Variants in GPR137 observed in about 807,000 individuals in gnomAD.
The protein encoded by GPR137 is integral membrane protein GPR137.
In GPR137, 20 loss-of-function variants were observed where a neutral mutation model predicts 38.9. That is an observed-to-expected ratio of 0.51 (90% CI 0.36 to 0.75). The LOEUF (loss-of-function observed/expected upper bound fraction) is 0.75. Ranked by LOEUF, GPR137 falls within the 30% of genes least tolerant of loss-of-function variation. GPR137 has a pLI of 0.00. For missense variants in GPR137, 456 were observed against 526.4 expected (o/e 0.87, Z 1.31); for synonymous variants, 226 against 235.8 (o/e 0.96, Z 0.38).
chr11:64,275,461 G>A (rs1240705036), upstream of GPR137, among the ~76,000 whole-genome samples: 2 of 152,136 alleles, frequency 1.3e-5, no homozygotes, highest in African/African-American at 4.8e-5. Context: ...TCTGTGAAAT[G>A]GGGGCAGTTC....
intron 1 of GPR137, chr11:64,276,319 T>TAC (rs1565347828): frequency 6.6e-6 from 1 of 152,076 alleles, no homozygotes; most frequent in Non-Finnish European, 1.5e-5. Context: ...TGTGTGTATA[T>TAC]ATATATATAT....
upstream of GPR137, chr11:64,284,777 C>T: frequency 3.9e-6 from 6 of 1,533,998 alleles, no homozygotes; most frequent in Admixed American, 2.0e-5. Flanking sequence ...GGTCCAGAGG[C>T]GGGGTCAACC....
upstream of GPR137, chr11:64,285,401 G>T (rs938989348): frequency 1.0e-6 from 1 of 984,848 alleles, no homozygotes; most frequent in East Asian, 1.1e-4. Flanking sequence ...CCGCGGGCGC[G>T]CCGGGGCGAG....
chr11:64,282,414 C>G (rs2135142816), upstream of GPR137, among the ~76,000 whole-genome samples: 1 of 151,936 alleles, frequency 6.6e-6, no homozygotes, highest in African/African-American at 2.4e-5. Context: ...CAAGACTGGG[C>G]AACAAAGCAA....
In GPR137 at chr11:64,286,267, A is replaced by C. The variant is rs889202404; in HGVS notation, c.-258A>C. ...CAGGGAGGAGACACCCCCAACCCCT[A>C]TCCGGTCTGTCCTGGAGAAAAGAGA... On this transcript the variant is annotated 5_prime_UTR_variant, in exon 1 of 7. Transcript: ENST00000438980. 8.3e-6 allele frequency: 11 copies of C among 1,318,902 alleles called. No homozygotes were observed. The highest frequency in any genetic ancestry group is 1.1e-5 in the Non-Finnish European group (11 of 1,035,736). 81.7% of individuals were successfully genotyped at this position (1,318,902 alleles called of 1,614,324 possible).
chr11:64,271,532 T>C, upstream of GPR137: 4 of 1,323,030 alleles, frequency 3.0e-6, no homozygotes, highest in South Asian at 7.3e-5. Flanking sequence ...GATCCGGGCG[T>C]GCCTTGGGAC....
At chr11:64,270,910 C>G (rs2032473882), upstream of GPR137, among the ~76,000 whole-genome samples, 1 of 130,052 alleles carries the variant, frequency 7.7e-6, no homozygotes, top group Non-Finnish European at 1.8e-5. Context: ...GACACACACA[C>G]ACACACACAC....
At chr11:64,271,041 C>G (rs2032501990), upstream of GPR137, among the ~76,000 whole-genome samples, 1 of 19,778 alleles carries the variant, frequency 5.1e-5, no homozygotes, top group African/African-American at 1.7e-4. Flanking sequence ...GACTACAGAT[C>G]CCAGCATGCC....
chr11:64,278,223 A>G (rs911840753), intron 2 of GPR137, among the ~76,000 whole-genome samples: 1 of 151,988 alleles, frequency 6.6e-6, no homozygotes, highest in Non-Finnish European at 1.5e-5. Flanking sequence ...GAGCCCAGAA[A>G]TTTGAGGCTT....
At position 64,285,898 on chromosome 11, in the gene GPR137, C is replaced by G; in HGVS notation, c.-627C>G. ...AGCCCCGGGTCCCCACGACCTGAGCCGGCTCTCCCATCAGCGGCCTGAGGA... is the reference window on the plus strand; with the variant it reads ...AGCCCCGGGTCCCCACGACCTGAGCGGGCTCTCCCATCAGCGGCCTGAGGA... On this transcript the variant is annotated 5_prime_UTR_variant, in exon 1 of 7. Transcript: ENST00000438980. 9 of 972,462 alleles carry G rather than the reference C, an allele frequency of 9.3e-6. No homozygotes were observed. Among genetic ancestry groups the G allele is most frequent in the Non-Finnish European group, 1.1e-5 (9 of 818,130 alleles). 60.2% of individuals were successfully genotyped at this position (972,462 alleles called of 1,614,324 possible). A position where few individuals can be genotyped will look rare whatever the true frequency, so the allele number is the denominator to read the frequency against.
intron 2 of GPR137, chr11:64,276,528 T>G: frequency 6.1e-6 from 1 of 162,916 alleles, no homozygotes; most frequent in Non-Finnish European, 1.3e-5. Context: ...GGTTTCACCA[T>G]GTTGGTCGGG....
rs2034543987 is a variant in GPR137 at position 64,289,453 on chromosome 11, C to G, written c.*257C>G. ...GCTTCCACACCGGAGCCAGCTACCT[C>G]TCCTGTGCCTGCCACTCAATAAACA... On this transcript the variant is annotated 3_prime_UTR_variant, in exon 7 of 7. Transcript: ENST00000438980. 2 of 1,504,318 alleles carry G rather than the reference C, an allele frequency of 1.3e-6. No homozygotes were observed. Among genetic ancestry groups the G allele is most frequent in the Admixed American group, 4.5e-5 (2 of 43,960 alleles). The allele number at this position is 1,504,318 out of a possible 1,614,324, so 93.2% of individuals were successfully genotyped here.
intron 2 of GPR137, among the ~76,000 whole-genome samples, chr11:64,277,500 C>T (rs919201759): frequency 2.2e-4 from 33 of 152,186 alleles, no homozygotes; most frequent in African/African-American, 5.3e-4. Context: ...TGGGGTGGCA[C>T]GATCTCAGCT....
intron 2 of GPR137, among the ~76,000 whole-genome samples, chr11:64,277,812 C>G (rs749506568): frequency 6.6e-6 from 1 of 152,150 alleles, no homozygotes; most frequent in Admixed American, 6.6e-5. Flanking sequence ...CAGTGGGCCA[C>G]GTGGTCTCTG....
In GPR137 at chr11:64,289,312, C is replaced by T. The variant is rs763947093; in HGVS notation, c.*116C>T. On this transcript the variant is annotated 3_prime_UTR_variant, in exon 7 of 7. Transcript: ENST00000438980. ...TCCTGGGGGTCGTGGCTACCCCCTC[C>T]TCTGGCCGGCTCCTTGCTGCTCCTG... 6.8e-6 allele frequency: 11 copies of T among 1,611,474 alleles called. No homozygotes were observed. The highest frequency in any genetic ancestry group is 9.3e-6 in the Non-Finnish European group (11 of 1,178,850).
chr11:64,277,402 A>T (rs1011744232), intron 2 of GPR137, among the ~76,000 whole-genome samples: 2 of 152,186 alleles, frequency 1.3e-5, no homozygotes, highest in Non-Finnish European at 2.9e-5. Context: ...GAGCTCATAA[A>T]ATCAGAAAGT....
rs1467328464 is a variant in GPR137, at chr11:64,288,664, C to T, written c.974C>T (p.Ala325Val). ...FASRSYFFDR[A>V]GHCEDEGCSW... ...TCTCGGTCCTACTTCTTTGACCGGG[C>T]TGGGCACTGTGAAGATGAGGGCTGC... The change falls in exon 6 of 7, where the codon GCT becomes GTT. Residue 325 changes from alanine to valine, a missense_variant. Transcript: ENST00000438980. This position sits in a 1 kb window ranked among gnomAD's most constrained non-coding sequence, Gnocchi z 5.5. 1.2e-6 allele frequency: 2 copies of T among 1,600,770 alleles called. No homozygotes were observed. Among genetic ancestry groups the T allele is most frequent in the Non-Finnish European group, 1.7e-6 (2 of 1,172,658 alleles).
At position 64,288,240 on chromosome 11, in the gene GPR137, C is replaced by T; in HGVS notation, c.783+26C>T. The T allele has an allele frequency of 6.2e-7, 1 of 1,610,600 alleles. No homozygotes were observed. The highest frequency in any genetic ancestry group is 8.5e-7 in the Non-Finnish European group (1 of 1,178,122). On this transcript the variant is annotated intron_variant, in intron 4 of 6. Transcript: ENST00000438980. The surrounding 1 kb of genome is among the most constrained non-coding windows in gnomAD (Gnocchi z 5.5). Reference sequence around the variant, plus strand: ...GTGGGCATACGCATGTCTGCCACCTCCTTAGTAGCCGTGGCACCTTGGCCC... The same window carrying T: ...GTGGGCATACGCATGTCTGCCACCTTCTTAGTAGCCGTGGCACCTTGGCCC...
At chr11:64,284,785 ACCCGG>A (rs1565354299), upstream of GPR137, 11 of 1,528,414 alleles carry the variant, frequency 7.2e-6, no homozygotes, top group South Asian at 1.2e-5. Context: ...GGCGGGGTCA[ACCCGG>A]CCCGGCCCCG....
Sources: gnomAD v4.1 joint callset for allele counts (sites outside exome capture counted in the v4.1 genomes callset) on GRCh38, gnomAD v4.1.1 for gene constraint, Gnocchi (gnomAD v3.1) non-coding constraint, MANE v1.5 for transcripts, NCBI Gene and HGNC (gene_info 2026-07-23, HGNC 2026-07-21) for gene names.